Variants in CSMD1 observed in about 807,000 individuals in gnomAD.
CSMD1 encodes the protein CUB and Sushi multiple domains 1, also known as CUB and sushi domain-containing protein 1.
Under a neutral mutation model 417.5 loss-of-function variants are expected in CSMD1, and 213 were observed. The observed-to-expected ratio is 0.51, with a 90% CI of 0.46 to 0.57. The LOEUF (loss-of-function observed/expected upper bound fraction) is 0.57, where lower values mean the gene tolerates loss of function less well. CSMD1 is among the 20% of genes least tolerant of loss of function. CSMD1 has a pLI of 0.00. For synonymous variants in CSMD1, 2,862 were observed against 1,736.8 expected, an observed-to-expected ratio of 1.65 and a Z score of -16.11; for missense variants, 6,923 against 4,529.7, an observed-to-expected ratio of 1.53 and a Z score of -15.17.
intron 2 of CSMD1, among the ~76,000 whole-genome samples, chr8:4,461,099 G>C (rs1259831664): frequency 2.0e-5 from 3 of 150,564 alleles, no homozygotes; most frequent in African/African-American, 7.5e-5. Flanking sequence ...TGCAAGATAG[G>C]CTTAGCATCT....
At chr8:3,824,837 T>A (rs1221922166) in intron 5 of CSMD1, among the ~76,000 whole-genome samples, 1 of 152,080 alleles carries the variant, frequency 6.6e-6, no homozygotes, top group African/African-American at 2.4e-5. Context: ...AGGATTTCAA[T>A]AAAATGACAC....
At chr8:3,849,465 T>C (rs62482673) in intron 5 of CSMD1, among the ~76,000 whole-genome samples, 38,221 of 152,076 alleles carry the variant, frequency 0.25, 5,723 homozygotes, top group African/African-American at 0.42. Flanking sequence ...GTTACTCCTT[T>C]TAGTTACATC....
rs1815373660 is a variant in CSMD1, at chr8:3,998,199, G to A, written c.611-89C>T. On this transcript the variant is annotated intron_variant, in intron 4 of 69. Transcript: ENST00000635120. Reference sequence around the variant, plus strand: ...CCACCAAGTGTCACTCTTGATCAGCGACAAATATTTTCTGAACCCAAAATT... The same window carrying A: ...CCACCAAGTGTCACTCTTGATCAGCAACAAATATTTTCTGAACCCAAAATT... 5.8e-6 allele frequency: 7 copies of A among 1,201,838 alleles called. No homozygotes were observed. In the South Asian group the frequency reaches 7.7e-5, roughly 13 times the overall value. The allele number at this position is 1,201,838 out of a possible 1,614,324, so 74.4% of individuals were successfully genotyped here.
chr8:3,702,558 C>A (rs552868098), intron 7 of CSMD1, among the ~76,000 whole-genome samples: 69 of 152,318 alleles, frequency 4.5e-4, no homozygotes, highest in African/African-American at 1.6e-3. Context: ...TGGCCAGGTG[C>A]GGTGGCTCAT....
chr8:4,122,388 G>A (rs1019066339), intron 3 of CSMD1, among the ~76,000 whole-genome samples: 2 of 152,182 alleles, frequency 1.3e-5, no homozygotes, highest in African/African-American at 4.8e-5. Context: ...TTGCCAGGCT[G>A]TACACCAACA....
chr8:3,779,697 C>G (rs1197909832), intron 5 of CSMD1, among the ~76,000 whole-genome samples: 1 of 152,036 alleles, frequency 6.6e-6, no homozygotes, highest in South Asian at 2.1e-4. Context: ...AGATACAACA[C>G]TATCTAGCGC....
chr8:2,943,825 G>A (rs186397435), intron 68 of CSMD1, among the ~76,000 whole-genome samples: 8 of 152,302 alleles, frequency 5.3e-5, no homozygotes, highest in Admixed American at 5.2e-4. Context: ...TAGCAGAATT[G>A]TTGAGAAGAA....
chr8:3,367,447 T>C (rs1306873141), intron 19 of CSMD1, among the ~76,000 whole-genome samples, 200 bp from the exon 20 acceptor site: 1 of 138,350 alleles, frequency 7.2e-6, no homozygotes, highest in African/African-American at 2.7e-5. Flanking sequence ...GAGACAGAGA[T>C]GGAGAGAGAT....
intron 1 of CSMD1, among the ~76,000 whole-genome samples, chr8:4,664,336 G>A (rs1212593461): frequency 2.0e-5 from 3 of 152,150 alleles, no homozygotes; most frequent in African/African-American, 7.2e-5. Flanking sequence ...GAGGCGGGCG[G>A]ATCACTTGAG....
chr8:3,525,250 G>C (rs774602159), intron 10 of CSMD1, among the ~76,000 whole-genome samples: 8 of 152,146 alleles, frequency 5.3e-5, no homozygotes, highest in Non-Finnish European at 7.3e-5. Context: ...CCCTGGAACT[G>C]AGGGTCCTTA....
rs374940251 is a variant in CSMD1 at position 3,691,088 on chromosome 8, C to T, written c.1009+17326G>A. Among the ~76,000 whole-genome samples, 33 of 152,108 alleles carry T rather than the reference C, an allele frequency of 2.2e-4. 1 individual carries two copies. The highest frequency in any genetic ancestry group is 1.2e-3 in the South Asian group (6 of 4,812). On this transcript the variant is annotated intron_variant, in intron 7 of 69. Transcript: ENST00000635120. ...CTCTAGCAAAACTGTATCAATGGGC[C>T]GGGCTTGGTGGCTCACACCTGTAAC...
intron 5 of CSMD1, among the ~76,000 whole-genome samples, chr8:3,864,384 T>A (rs1804936606): frequency 6.6e-6 from 1 of 151,984 alleles, no homozygotes; most frequent in African/African-American, 2.4e-5. Flanking sequence ...ACATTTTTAA[T>A]CAAAAGGTGC....
At chr8:3,266,269 G>A (rs1217100897) in intron 26 of CSMD1, among the ~76,000 whole-genome samples, 2 of 151,194 alleles carry the variant, frequency 1.3e-5, no homozygotes, top group African/African-American at 2.4e-5. Context: ...AGGGTTGTAA[G>A]GCGGAAAGGC....
chr8:3,158,044 C>T (rs534737953), intron 38 of CSMD1, 78 bp from the exon 39 acceptor site: 15 of 1,141,210 alleles, frequency 1.3e-5, no homozygotes, highest in Non-Finnish European at 1.9e-5. Context: ...AGAATATCTG[C>T]ATTTTTTCCT....
At chr8:3,183,015 C>T (rs535243814) in intron 36 of CSMD1, 1 of 149,744 alleles carries the variant, frequency 6.7e-6, no homozygotes, top group East Asian at 2.0e-4. Context: ...GCCTCAGCCT[C>T]CCAAAGTGCT....
chr8:3,558,265 C>G (rs111910029), intron 10 of CSMD1, among the ~76,000 whole-genome samples: 3,852 of 150,894 alleles, frequency 0.026, 205 homozygotes, highest in African/African-American at 0.089. Context: ...CCTGTGTCCA[C>G]TCCTCCAGTG....
intron 3 of CSMD1, among the ~76,000 whole-genome samples, chr8:4,228,784 A>T (rs1470679371): frequency 2.0e-5 from 3 of 151,948 alleles, no homozygotes; most frequent in Non-Finnish European, 4.4e-5. Flanking sequence ...CCTGGGTTCA[A>T]AAGATTCTCC....
intron 3 of CSMD1, among the ~76,000 whole-genome samples, chr8:4,051,875 CCTTT>C (rs775053561): frequency 1.5e-5 from 2 of 132,382 alleles, no homozygotes; most frequent in African/African-American, 6.0e-5. Context: ...TTTCCTTCCT[CCTTT>C]CTTCCTTCCT....
chr8:3,500,139 T>C (rs1484550810), intron 10 of CSMD1, among the ~76,000 whole-genome samples: 1 of 152,140 alleles, frequency 6.6e-6, no homozygotes. Flanking sequence ...TTCACGTTCA[T>C]CTTTATGCTG....
Sources: gnomAD v4.1 joint callset for allele counts (sites outside exome capture counted in the v4.1 genomes callset) on GRCh38, gnomAD v4.1.1 for gene constraint, MANE v1.5 for transcripts, NCBI Gene and HGNC (gene_info 2026-07-23, HGNC 2026-07-21) for gene names.